ROCK1: variants seen among roughly 807,000 people sequenced by gnomAD.
The protein encoded by ROCK1 is rho-associated protein kinase 1.
In ROCK1, 36 loss-of-function variants were observed where a neutral mutation model predicts 196.8. The ratio of observed to expected loss-of-function variants is 0.18; its 90% CI spans 0.14 to 0.24. The LOEUF (loss-of-function observed/expected upper bound fraction) is 0.24, where lower values mean the gene tolerates loss of function less well. Ranked by LOEUF, ROCK1 falls within the 10% of genes least tolerant of loss-of-function variation. ROCK1 has a pLI of 1.00. For synonymous variants in ROCK1, 443 were observed against 515.9 expected (o/e 0.86, Z 1.91); for missense variants, 920 against 1,562.0 (o/e 0.59, Z 6.93).
At chr18:21,075,316 T>C (rs571622805) in intron 1 of ROCK1, among the ~76,000 whole-genome samples, 72 of 152,216 alleles carry the variant, frequency 4.7e-4, no homozygotes, top group Admixed American at 1.9e-3. Context: ...TGATGAATAA[T>C]TGAAAGAGGA....
intron 17 of ROCK1, 120 bp from the exon 18 acceptor site, chr18:20,991,446 C>T (rs1231632812): frequency 3.0e-6 from 2 of 671,554 alleles, no homozygotes; most frequent in Non-Finnish European, 4.8e-6. Flanking sequence ...ACAATAAACA[C>T]ATATAATTAA....
rs2035903467 is a variant in ROCK1 at position 21,020,310 on chromosome 18, T to C, written c.1273-71A>G. On this transcript the variant is annotated intron_variant, in intron 11 of 32. Transcript: ENST00000399799. ...TAGACATTTAAAAATATCAAGTCTA[T>C]GTTAATATTTTAAACCTTTTTAGAA... is the stretch of plus-strand genomic sequence containing the variant. The C allele has an allele frequency of 1.1e-5, 8 of 741,532 alleles. No homozygotes were observed. The South Asian group carries it at 1.8e-4, about 16-fold the overall frequency. 45.9% of individuals were successfully genotyped at this position (741,532 alleles called of 1,614,324 possible).
chr18:21,013,489 C>T (rs1296928551), intron 13 of ROCK1, among the ~76,000 whole-genome samples: 1 of 152,204 alleles, frequency 6.6e-6, no homozygotes, highest in Non-Finnish European at 1.5e-5. Context: ...TTGTTATTTT[C>T]AGTGGAAAGT....
rs558431443 is a variant in ROCK1, at chr18:20,974,669, T to A, written c.2655-4156A>T. On this transcript the variant is annotated intron_variant, in intron 22 of 32. Coordinates refer to ENST00000399799, the MANE Select transcript of ROCK1 (RefSeq NM_005406.3). ...TCTCTCACCCTTATTCTCCTACCTC[T>A]TAAAAGAATTCAATAATCAATAATT... Among the ~76,000 whole-genome samples, 10 of 152,332 alleles carry A rather than the reference T, an allele frequency of 6.6e-5. No homozygotes were observed. The South Asian group carries it at 1.9e-3, about 28-fold the overall frequency.
chr18:21,096,068 C>T (rs2036610179), intron 1 of ROCK1, among the ~76,000 whole-genome samples: 1 of 151,948 alleles, frequency 6.6e-6, no homozygotes, highest in African/African-American at 2.4e-5. Flanking sequence ...ATGGATACTC[C>T]ATTTACCCTG....
At chr18:21,029,217 T>C (rs1196043704) in intron 9 of ROCK1, among the ~76,000 whole-genome samples, 3 of 152,178 alleles carry the variant, frequency 2.0e-5, no homozygotes, top group Admixed American at 6.5e-5. Context: ...CTAAGGTTTG[T>C]TTTAGAATGT....
At chr18:21,009,005 A>G (rs2035792230) in intron 13 of ROCK1, among the ~76,000 whole-genome samples, 1 of 152,152 alleles carries the variant, frequency 6.6e-6, no homozygotes. Flanking sequence ...AGAACTGGTC[A>G]TCACAACAAT....
chr18:20,967,687 T>A, intron 26 of ROCK1, 65 bp downstream of exon 26: 1 of 1,191,952 alleles, frequency 8.4e-7, no homozygotes, highest in Non-Finnish European at 1.2e-6. Flanking sequence ...ATAACAAGTA[T>A]ATACAGAAAT....
intron 9 of ROCK1, among the ~76,000 whole-genome samples, chr18:21,037,296 G>A (rs1043295382): frequency 2.0e-5 from 3 of 152,066 alleles, no homozygotes; most frequent in African/African-American, 7.2e-5. Flanking sequence ...CATTACCAAG[G>A]AACACAAGGT....
rs114421474 is a variant in ROCK1 at position 21,046,699 on chromosome 18, A to T, written c.415-1232T>A. Among the ~76,000 whole-genome samples the T allele has an allele frequency of 2.5e-3, 386 of 152,342 alleles. 2 individuals are homozygous for T. Among genetic ancestry groups the T allele is most frequent in the African/African-American group, 8.8e-3 (368 of 41,584 alleles). On this transcript the variant is annotated intron_variant, in intron 4 of 32. Coordinates refer to ENST00000399799, the MANE Select transcript of ROCK1 (RefSeq NM_005406.3). The stretch of plus-strand genomic sequence containing the variant: ...AAATTTATAAAATAACATTTTAAGT[A>T]AATACAAGAAGTTTAGAATTAAACT...
At chr18:20,978,204 CAA>C (rs34885138) in intron 22 of ROCK1, among the ~76,000 whole-genome samples, 148 of 118,722 alleles carry the variant, frequency 1.2e-3, no homozygotes, top group African/African-American at 3.3e-3. Flanking sequence ...TGTATTCCAA[CAA>C]AAAAAAAAAA....
At chr18:20,971,397 C>A (rs1387604507) in intron 22 of ROCK1, among the ~76,000 whole-genome samples, 1 of 150,606 alleles carries the variant, frequency 6.6e-6, no homozygotes, top group African/African-American at 2.4e-5. Context: ...TGAAGGTTTA[C>A]TAAGTACTAC....
intron 29 of ROCK1, among the ~76,000 whole-genome samples, chr18:20,958,943 AT>A (rs1409889151): frequency 1.1e-5 from 1 of 93,822 alleles, no homozygotes; most frequent in Admixed American, 1.9e-4. Context: ...TATATAAAAA[AT>A]AATATATATA....
rs2035514139 is a variant in ROCK1 at position 20,979,817 on chromosome 18, C to A, written c.2654+93G>T. 5 of 1,384,224 alleles carry A rather than the reference C, an allele frequency of 3.6e-6. 1 individual carries two copies. In the East Asian group the frequency reaches 1.3e-4, roughly 37 times the overall value. The allele number at this position is 1,384,224 out of a possible 1,614,324, so 85.7% of individuals were successfully genotyped here. A position where few individuals can be genotyped will look rare whatever the true frequency, so the allele number is the denominator to read the frequency against. On this transcript the variant is annotated intron_variant, in intron 22 of 32. Coordinates refer to ENST00000399799, the MANE Select transcript of ROCK1 (RefSeq NM_005406.3). ...CCAATAAACTGTGTTCTATACCATT[C>A]CCACCAGAATAATGGCACATCTATT...
chr18:20,968,724 T>G, intron 25 of ROCK1, 48 bp downstream of exon 25: 1 of 1,105,414 alleles, frequency 9.0e-7, no homozygotes. Flanking sequence ...TAAAGAGCAA[T>G]GATTAACTCA....
Position 20,979,923 on chromosome 18 carries a change from G to T in ROCK1, c.2641C>A (p.Leu881Ile), listed in dbSNP as rs369894687. The T allele has an allele frequency of 1.7e-5, 26 of 1,537,216 alleles. No individual in the cohort carries two copies. Among genetic ancestry groups the T allele is most frequent in the Non-Finnish European group, 2.2e-5 (25 of 1,140,566 alleles). The change falls in exon 22 of 33, where the codon CTA becomes ATA. Residue 881 changes from leucine to isoleucine, a missense_variant. Leu to Ile is a conservative substitution (Grantham distance 5, BLOSUM62 2). Transcript: ENST00000399799. ...NRENLKKIQE[L>I]QNEKETLATQ... ...AAATGGACATACTTTTCATTTTGTA[G>T]TTCCTGTATTTTCTTTAAATTTTCT...
intron 16 of ROCK1, among the ~76,000 whole-genome samples, chr18:20,999,265 T>A (rs1485514189): frequency 6.6e-6 from 1 of 151,810 alleles, no homozygotes; most frequent in African/African-American, 2.4e-5. Context: ...AAAGGCATAA[T>A]CTACAAAAAG....
chr18:20,977,449 T>G (rs770902469), intron 22 of ROCK1, among the ~76,000 whole-genome samples: 2 of 152,060 alleles, frequency 1.3e-5, no homozygotes, highest in Non-Finnish European at 2.9e-5. Context: ...CCCTGGCTAA[T>G]TCTACTTTCC....
Position 20,947,753 on chromosome 18 carries a change from A to C in ROCK1, c.*3631T>G, listed in dbSNP as rs2035142999. The C allele has an allele frequency of 6.6e-6, 1 of 152,144 alleles. No homozygotes were observed. 9.4% of individuals were successfully genotyped at this position (152,144 alleles called of 1,614,324 possible). A position where few individuals can be genotyped will look rare whatever the true frequency, so the allele number is the denominator to read the frequency against. ...TTCATGTCTTTTTAAACTTCTCCAAATGTCTTACAATTTTCTTGGTGGAGG... is the reference window on the plus strand; with the variant it reads ...TTCATGTCTTTTTAAACTTCTCCAACTGTCTTACAATTTTCTTGGTGGAGG... On this transcript the variant is annotated 3_prime_UTR_variant, in exon 33 of 33. Coordinates refer to ENST00000399799, the MANE Select transcript of ROCK1 (RefSeq NM_005406.3).
Sources: allele counts gnomAD v4.1 joint callset (sites outside exome capture counted in the v4.1 genomes callset), GRCh38; gene constraint gnomAD v4.1.1; transcripts MANE v1.5; gene names NCBI Gene and HGNC (gene_info 2026-07-23, HGNC 2026-07-21).